The following SSPN variants were observed in gnomAD, a reference collection of about 807,000 sequenced individuals.
SSPN encodes K-ras oncogene-associated protein.
Under a neutral mutation model 19.1 loss-of-function variants are expected in SSPN, and 15 were observed. That is an observed-to-expected ratio of 0.78 (90% confidence interval 0.52 to 1.21). SSPN has a LOEUF of 1.21. Among genes scored for constraint, SSPN ranks in the 50% most tolerant of loss-of-function variants. The pLI is 0.00. For missense variants in SSPN, 291 were observed against 314.0 expected (o/e 0.93, Z 0.55); for synonymous variants, 147 against 140.3 (o/e 1.05, Z -0.34).
chr12:26,191,474 G>A (rs943897780), upstream of SSPN, among the ~76,000 whole-genome samples: 5 of 152,130 alleles, frequency 3.3e-5, no homozygotes, highest in Non-Finnish European at 7.4e-5. Flanking sequence ...GAGAGAGAGA[G>A]AGAATGAGAA....
chr12:26,124,784 A>C (rs1944348714), intron 1 of SSPN: 1 of 1,614,060 alleles, frequency 6.2e-7, no homozygotes, highest in African/African-American at 1.3e-5. Flanking sequence ...GTCCATGTTC[A>C]ACTGCTGTTC....
In SSPN at chr12:26,231,709, C is replaced by T. The variant is rs114249011; in HGVS notation, c.*633C>T. 1,177 of 181,020 alleles carry T rather than the reference C, an allele frequency of 6.5e-3. 12 individuals carry two copies. Among genetic ancestry groups the T allele is most frequent in the African/African-American group, 0.026 (1,084 of 42,086 alleles). The allele number at this position is 181,020 out of a possible 1,614,324, so 11.2% of individuals were successfully genotyped here. A position where few individuals can be genotyped will look rare whatever the true frequency, so the allele number is the denominator to read the frequency against. ...CTCTTCAGCTCCCTTAGCTTGGCTC[C>T]GTAAGTGGATCACTTGCCAAATGCT... On this transcript the variant is annotated 3_prime_UTR_variant, in exon 3 of 3. Transcript: ENST00000242729.
intron 1 of SSPN, chr12:26,122,524 C>A: frequency 1.6e-6 from 2 of 1,282,800 alleles, no homozygotes; most frequent in Non-Finnish European, 2.0e-6. Context: ...CCTCCGCCTC[C>A]GCCGAACGCC....
chr12:26,177,227 TC>T (rs1318112227), intron 1 of SSPN, among the ~76,000 whole-genome samples: 1 of 152,238 alleles, frequency 6.6e-6, no homozygotes, highest in Non-Finnish European at 1.5e-5. Context: ...ATATTATTAT[TC>T]CCACCTGTCT....
chr12:26,195,689 A>C lies in SSPN; in HGVS notation c.17A>C (p.Gln6Pro). ...CGCAGCGCCATGGGCAAGAACAAGC[A>C]GCCACGCGGCCAGCAGAGGCAGGGG... MGKNKQPRGQQRQGGP... is the reference protein window; with the variant it reads MGKNKPPRGQQRQGGP... The change falls in exon 1 of 3, where the codon CAG becomes CCG. Residue 6 changes from glutamine (Q) to proline (P), a missense_variant. Physicochemically the swap from Gln to Pro is moderately conservative, Grantham distance 76 (BLOSUM62 -1). Coordinates refer to ENST00000242729, the MANE Select transcript of SSPN (RefSeq NM_005086.5). 7.9e-7 allele frequency: 1 copy of C among 1,271,752 alleles called. No homozygotes were observed. Among genetic ancestry groups the C allele is most frequent in the Non-Finnish European group, 9.9e-7 (1 of 1,011,030 alleles). The allele number at this position is 1,271,752 out of a possible 1,614,324, so 78.8% of individuals were successfully genotyped here.
At chr12:26,230,072 T>C (rs1945214430) in intron 2 of SSPN, among the ~76,000 whole-genome samples, 1 of 152,198 alleles carries the variant, frequency 6.6e-6, no homozygotes, top group East Asian at 1.9e-4. Context: ...ATGGTCGTTG[T>C]TGGGCTTGGG....
intron 1 of SSPN, among the ~76,000 whole-genome samples, chr12:26,150,081 A>T (rs1005415108): frequency 1.3e-5 from 2 of 152,182 alleles, no homozygotes; most frequent in Non-Finnish European, 2.9e-5. Flanking sequence ...ACTGAACACC[A>T]TCCTAACCTA....
chr12:26,133,533 T>C (rs1168022793), intron 1 of SSPN, among the ~76,000 whole-genome samples: 1 of 152,186 alleles, frequency 6.6e-6, no homozygotes, highest in African/African-American at 2.4e-5. Flanking sequence ...ACAGAGGAGA[T>C]TAAAGGCATA....
At position 26,137,758 on chromosome 12, in the gene SSPN, C is replaced by A. The variant is rs2729629; in HGVS notation, c.-31+15606C>A. 4.8e-5 allele frequency among the ~76,000 whole-genome samples: 7 copies of A among 144,362 alleles called. No individual in the cohort carries two copies. The Admixed American group carries it at 4.9e-4, about 10-fold the overall frequency. The allele number at this position is 144,362 out of a possible 152,430, so 94.7% of individuals were successfully genotyped here. The stretch of plus-strand genomic sequence containing the variant: ...TGGCTCATTGCAACTGCCACCTCCT[C>A]TTTTCAAGCGATTCTCCTACCTCAG... On this transcript the variant is annotated intron_variant, in intron 1 of 2. Coordinates refer to the SSPN transcript ENST00000538142.
chr12:26,186,775 C>A (rs1381611307), intron 1 of SSPN, among the ~76,000 whole-genome samples: 2 of 152,268 alleles, frequency 1.3e-5, no homozygotes, highest in South Asian at 4.2e-4. Flanking sequence ...ATGTATTAAC[C>A]ATTCAACAAG....
chr12:26,148,713 A>G (rs1944507841), intron 1 of SSPN, among the ~76,000 whole-genome samples: 1 of 152,224 alleles, frequency 6.6e-6, no homozygotes, highest in Non-Finnish European at 1.5e-5. Context: ...TTTTTAAAAA[A>G]GCTTGCTTTA....
Position 26,123,187 on chromosome 12 carries a change from G to A in SSPN, c.-31+1035G>A, listed in dbSNP as rs754102488. On this transcript the variant is annotated intron_variant, in intron 1 of 2. Transcript: ENST00000538142. ...CGCTCCCCTAGGATGAGGAAGGGAT[G>A]GGGGTGGGGGACGGAGGAGTGGAGG... The A allele has an allele frequency of 5.1e-6, 8 of 1,566,314 alleles. No homozygotes were observed. In the South Asian group the frequency reaches 8.4e-5, roughly 16 times the overall value.
At chr12:26,151,707 C>G (rs890195515) in intron 1 of SSPN, among the ~76,000 whole-genome samples, 1 of 152,046 alleles carries the variant, frequency 6.6e-6, no homozygotes, top group Admixed American at 6.6e-5. Context: ...TAAAGGTTAC[C>G]GTGGTCCAGG....
intron 1 of SSPN, among the ~76,000 whole-genome samples, chr12:26,149,716 A>G (rs746394773): frequency 7.9e-5 from 12 of 152,266 alleles, no homozygotes; most frequent in Non-Finnish European, 1.8e-4. Context: ...AATAGTCTGC[A>G]TGGAGCATGT....
At chr12:26,208,458 T>C (rs1462892121) in intron 1 of SSPN, among the ~76,000 whole-genome samples, 1 of 152,204 alleles carries the variant, frequency 6.6e-6, no homozygotes, top group African/African-American at 2.4e-5. Context: ...CTTATTTATT[T>C]ATAGGATTTG....
At chr12:26,187,288 C>A (rs1175565755) in intron 1 of SSPN, among the ~76,000 whole-genome samples, 1 of 152,234 alleles carries the variant, frequency 6.6e-6, no homozygotes, top group African/African-American at 2.4e-5. Flanking sequence ...GGTGAGGGAT[C>A]TTTCCACAAT....
At chr12:26,125,703 G>A (rs1367537213) in intron 1 of SSPN, 1 of 152,134 alleles carries the variant, frequency 6.6e-6, no homozygotes, top group African/African-American at 2.4e-5. Flanking sequence ...CGGAATTGCG[G>A]TGCCACTAAT....
chr12:26,123,187 G>C (rs754102488), intron 1 of SSPN: 2 of 1,566,314 alleles, frequency 1.3e-6, no homozygotes, highest in Non-Finnish European at 8.7e-7. Context: ...AGGAAGGGAT[G>C]GGGGTGGGGG....
intron 1 of SSPN, chr12:26,125,574 A>G (rs1202299944): frequency 6.5e-6 from 1 of 152,774 alleles, no homozygotes; most frequent in Admixed American, 6.5e-5. Flanking sequence ...GCAACTTGCA[A>G]TCCGCTCCTT....
Sources: gnomAD v4.1 joint callset for allele counts (sites outside exome capture counted in the v4.1 genomes callset) on GRCh38, gnomAD v4.1.1 for gene constraint, MANE v1.5 for transcripts, NCBI Gene and HGNC (gene_info 2026-07-23, HGNC 2026-07-21) for gene names.